Variants in FYB1 observed in about 807,000 individuals in gnomAD.
The protein encoded by FYB1 is FYN-binding protein 1.
In FYB1, 41 loss-of-function variants were observed where a neutral mutation model predicts 94.1. The observed-to-expected ratio is 0.44, with a 90% CI of 0.34 to 0.57. FYB1 has a LOEUF of 0.57. FYB1 is among the 20% of genes least tolerant of loss of function. The pLI, the probability that FYB1 is intolerant of heterozygous loss-of-function variation, is 0.02. For missense variants in FYB1, 1,050 were observed against 976.8 expected (o/e 1.07, Z -1.00); for synonymous variants, 367 against 353.2 (o/e 1.04, Z -0.44).
intron 1 of FYB1, among the ~76,000 whole-genome samples, chr5:39,255,973 C>A (rs1579795369): frequency 6.6e-6 from 1 of 152,280 alleles, no homozygotes; most frequent in East Asian, 1.9e-4. Flanking sequence ...CCTTTGTTTC[C>A]ACTGATGATC....
intron 16 of FYB1, among the ~76,000 whole-genome samples, chr5:39,116,657 G>A (rs546262675): frequency 9.9e-5 from 15 of 152,164 alleles, no homozygotes; most frequent in Non-Finnish European, 1.8e-4. Flanking sequence ...TTCTCTCACT[G>A]GTGCCGTATC....
intron 2 of FYB1, among the ~76,000 whole-genome samples, chr5:39,162,599 C>T (rs1008461920): frequency 3.3e-5 from 5 of 151,988 alleles, no homozygotes; most frequent in African/African-American, 9.7e-5. Context: ...GCAGGAGAAT[C>T]GCTTGAACCA....
intron 1 of FYB1, among the ~76,000 whole-genome samples, chr5:39,263,925 C>T (rs1218247415): frequency 1.3e-5 from 2 of 152,280 alleles, no homozygotes; most frequent in African/African-American, 4.8e-5. Context: ...CCAGTGGCTG[C>T]TCTGGTGAAC....
chr5:39,179,364 A>C (rs941787139), intron 2 of FYB1, among the ~76,000 whole-genome samples: 8 of 152,118 alleles, frequency 5.3e-5, no homozygotes, highest in African/African-American at 1.9e-4. Context: ...TGGGAACAAG[A>C]AAATGGGTAG....
intron 16 of FYB1, among the ~76,000 whole-genome samples, chr5:39,115,310 G>A (rs920083369): frequency 6.6e-6 from 1 of 152,038 alleles, no homozygotes; most frequent in South Asian, 2.1e-4. Context: ...GGCCAGGCTG[G>A]TCTCAAACTC....
chr5:39,242,127 A>T (rs1751237218), intron 1 of FYB1, among the ~76,000 whole-genome samples: 1 of 151,874 alleles, frequency 6.6e-6, no homozygotes, highest in African/African-American at 2.4e-5. Flanking sequence ...TTTTCAATCT[A>T]TTTTAACAAT....
At chr5:39,141,619 G>A (rs1248375582) in intron 3 of FYB1, among the ~76,000 whole-genome samples, 9 of 152,074 alleles carry the variant, frequency 5.9e-5, no homozygotes, top group Admixed American at 2.6e-4. Context: ...GCAAAACACC[G>A]TCTCTCCTAA....
At chr5:39,168,859 A>G (rs1744986973) in intron 2 of FYB1, among the ~76,000 whole-genome samples, 1 of 152,150 alleles carries the variant, frequency 6.6e-6, no homozygotes, top group Non-Finnish European at 1.5e-5. Flanking sequence ...GTCACTAAAT[A>G]CAATTAGTTT....
rs758031750 is a variant in FYB1, at chr5:39,202,053, T to C, written c.908A>G (p.Glu303Gly). 6.2e-7 allele frequency: 1 copy of C among 1,613,948 alleles called. No individual in the cohort carries two copies. The change falls in exon 2 of 19, where the codon GAG becomes GGG. Residue 303 changes from glutamate (E) to glycine (G), a missense_variant. Transcript: ENST00000512982. ...NTFQSKINQE[E>G]LASGTPPARF... is the part of the protein sequence containing the mutation. ...GGCAGGAGGAGTCCCTGAGGCCAAC[T>C]CTTCCTGATTTATTTTGCTCTGGAA...
Position 39,202,092 on chromosome 5 carries a change from G to A in FYB1, c.869C>T (p.Ala290Val). ...EEKKEDRKID[A>V]AKNTFQSKIN... is the part of the protein sequence containing the mutation. Reference sequence around the variant, plus strand: ...TTTGCTCTGGAAGGTGTTCTTAGCAGCATCTATCTTCCTATCTTCCTTTTT... The same window carrying A: ...TTTGCTCTGGAAGGTGTTCTTAGCAACATCTATCTTCCTATCTTCCTTTTT... Residue 290 changes from alanine (A) to valine (V), a missense_variant, in exon 2 of 19, where the codon GCT (alanine) becomes GTT (valine). Transcript: ENST00000512982. The A allele has an allele frequency of 6.2e-7, 1 of 1,614,056 alleles. No homozygotes were observed. The highest frequency in any genetic ancestry group is 8.5e-7 in the Non-Finnish European group (1 of 1,179,912).
intron 1 of FYB1, among the ~76,000 whole-genome samples, chr5:39,218,163 GA>G (rs1344198874): frequency 2.6e-5 from 4 of 152,206 alleles, no homozygotes; most frequent in Non-Finnish European, 5.9e-5. Flanking sequence ...TTTCTCAAGG[GA>G]AATGGAAACC....
intron 1 of FYB1, among the ~76,000 whole-genome samples, chr5:39,204,358 G>A (rs1579669410): frequency 6.6e-6 from 1 of 152,286 alleles, no homozygotes; most frequent in African/African-American, 2.4e-5. Context: ...AATGAGGCTG[G>A]AACTGCAGGA....
intron 1 of FYB1, among the ~76,000 whole-genome samples, chr5:39,271,097 A>G (rs1345388819): frequency 6.6e-6 from 1 of 152,096 alleles, no homozygotes; most frequent in Non-Finnish European, 1.5e-5. Flanking sequence ...CTTGTGTAAA[A>G]ACATAACTAT....
intron 11 of FYB1, 126 bp from the exon 12 acceptor site, chr5:39,126,261 A>C (rs1242888723): frequency 2.9e-6 from 3 of 1,020,250 alleles, no homozygotes; most frequent in Non-Finnish European, 4.2e-6. Context: ...GCAGTAAATA[A>C]CTCATTTTAT....
intron 2 of FYB1, among the ~76,000 whole-genome samples, chr5:39,189,205 TC>T (rs1334629300): frequency 6.7e-6 from 1 of 150,326 alleles, no homozygotes; most frequent in Non-Finnish European, 1.5e-5. Context: ...AAATCCTAGG[TC>T]TGGCAGAAGA....
intron 14 of FYB1, among the ~76,000 whole-genome samples, chr5:39,121,204 A>T (rs1740064352): frequency 6.6e-6 from 1 of 150,682 alleles, no homozygotes; most frequent in Non-Finnish European, 1.5e-5. Context: ...AAAAAAAAAA[A>T]AGCATTAACA....
upstream of FYB1, chr5:39,219,654 A>G (rs181093449): frequency 4.2e-6 from 4 of 959,674 alleles, no homozygotes; most frequent in Non-Finnish European, 5.0e-6. Context: ...TTAGACAAGA[A>G]AAGTTCTATT....
intron 2 of FYB1, among the ~76,000 whole-genome samples, chr5:39,155,507 C>T (rs1743666285): frequency 6.6e-6 from 1 of 152,138 alleles, no homozygotes; most frequent in Admixed American, 6.5e-5. Flanking sequence ...TCGTTTTTGT[C>T]CTAACTAAAA....
intron 2 of FYB1, among the ~76,000 whole-genome samples, chr5:39,184,700 T>C (rs1746585228): frequency 6.6e-6 from 1 of 152,190 alleles, no homozygotes; most frequent in Non-Finnish European, 1.5e-5. Context: ...CATCAGTTTG[T>C]TAGTGTTACT....
Sources: allele counts gnomAD v4.1 joint callset (sites outside exome capture counted in the v4.1 genomes callset), GRCh38; gene constraint gnomAD v4.1.1; transcripts MANE v1.5; gene names NCBI Gene and HGNC (gene_info 2026-07-23, HGNC 2026-07-21).